Variants in WDPCP observed in about 807,000 individuals in gnomAD.
WDPCP encodes the protein WD repeat containing planar cell polarity effector, also known as WD repeat-containing and planar cell polarity effector protein fritz homolog.
A neutral mutation model predicts 93.1 loss-of-function variants in WDPCP; 71 were observed. The observed-to-expected ratio is 0.76, with a 90% CI of 0.63 to 0.93. The LOEUF is 0.93. Ranked by LOEUF, WDPCP falls within the 40% of genes least tolerant of loss-of-function variation. The probability of loss-of-function intolerance (pLI) is 0.00; values close to 1 mark genes in which losing one functional copy is unlikely to be tolerated. For missense variants in WDPCP, 844 were observed against 887.4 expected, an observed-to-expected ratio of 0.95 and a Z score of 0.62; for synonymous variants, 315 against 315.0, an observed-to-expected ratio of 1.00 and a Z score of 0.00.
chr2:63,501,722 T>G (rs1701567232), intron 1 of WDPCP, among the ~76,000 whole-genome samples: 1 of 146,802 alleles, frequency 6.8e-6, no homozygotes. Flanking sequence ...ATTCAGGCAA[T>G]TCTCCTGCCT....
At chr2:63,396,995 A>C (rs1575324915) in intron 10 of WDPCP, among the ~76,000 whole-genome samples, 1 of 152,182 alleles carries the variant, frequency 6.6e-6, no homozygotes, top group African/African-American at 2.4e-5. Context: ...GACATGAAGT[A>C]TTTCAAGCTG....
intron 2 of WDPCP, among the ~76,000 whole-genome samples, chr2:63,719,774 T>C (rs1030088746): frequency 1.3e-5 from 2 of 152,108 alleles, no homozygotes; most frequent in East Asian, 1.9e-4. Flanking sequence ...TTTATAAAAG[T>C]TTATGTTATA....
At chr2:63,738,341 C>T (rs949954115) in intron 2 of WDPCP, among the ~76,000 whole-genome samples, 1 of 151,970 alleles carries the variant, frequency 6.6e-6, no homozygotes, top group Non-Finnish European at 1.5e-5. Context: ...GGCCTCACAA[C>T]AGAATGTTCA....
At chr2:63,677,375 T>A (rs767144317) in intron 2 of WDPCP, among the ~76,000 whole-genome samples, 42 of 151,814 alleles carry the variant, frequency 2.8e-4, no homozygotes, top group Non-Finnish European at 5.6e-4. Flanking sequence ...TAGACACAGA[T>A]CCACAGAAGA....
intron 2 of WDPCP, among the ~76,000 whole-genome samples, chr2:63,655,737 G>T (rs1223146973): frequency 6.6e-6 from 1 of 152,116 alleles, no homozygotes; most frequent in Non-Finnish European, 1.5e-5. Flanking sequence ...TACACAAAAG[G>T]TGTAATACTA....
chr2:63,568,435 T>C (rs1034513122), intron 1 of WDPCP, among the ~76,000 whole-genome samples: 2 of 152,064 alleles, frequency 1.3e-5, no homozygotes, highest in Non-Finnish European at 2.9e-5. Context: ...TTTATAAAAG[T>C]GCACATAGTA....
intron 2 of WDPCP, among the ~76,000 whole-genome samples, chr2:63,725,652 C>A (rs1204382061): frequency 3.3e-5 from 5 of 152,286 alleles, no homozygotes; most frequent in Middle Eastern, 3.4e-3. Context: ...AACTAATTTA[C>A]ACTCCCACCA....
chr2:63,609,399 A>G (rs1310159111), intron 3 of WDPCP, among the ~76,000 whole-genome samples: 1 of 151,954 alleles, frequency 6.6e-6, no homozygotes, highest in Admixed American at 6.6e-5. Context: ...ATATACACAC[A>G]CTAATAAAGG....
chr2:63,456,689 T>C (rs992902065), intron 6 of WDPCP, among the ~76,000 whole-genome samples: 2 of 151,552 alleles, frequency 1.3e-5, no homozygotes, highest in Admixed American at 6.6e-5. Flanking sequence ...CAAAATAGAC[T>C]AAAAAAAATT....
chr2:63,259,163 A>T, intron 14 of WDPCP, 144 bp downstream of exon 14: 2 of 717,324 alleles, frequency 2.8e-6, no homozygotes, highest in Non-Finnish European at 4.7e-6. Context: ...GCTGTTTGTC[A>T]AAGCTTAATT....
chr2:63,678,001 T>C (rs1212548604), intron 2 of WDPCP, among the ~76,000 whole-genome samples: 2 of 152,246 alleles, frequency 1.3e-5, no homozygotes, highest in African/African-American at 2.4e-5. Flanking sequence ...ATAATCTTTC[T>C]ATGACAGGAA....
intron 9 of WDPCP, among the ~76,000 whole-genome samples, chr2:63,410,689 A>T (rs1694959246): frequency 6.6e-6 from 1 of 152,200 alleles, no homozygotes; most frequent in Non-Finnish European, 1.5e-5. Flanking sequence ...AAGTAAAGGG[A>T]TGGAAAAAGG....
At chr2:63,306,221 C>G (rs1333392372) in intron 13 of WDPCP, among the ~76,000 whole-genome samples, 1 of 152,178 alleles carries the variant, frequency 6.6e-6, no homozygotes, top group African/African-American at 2.4e-5. Context: ...AGACCAATAA[C>G]AAGTTCTGAA....
At chr2:63,607,783 G>A (rs1177029187) in intron 3 of WDPCP, among the ~76,000 whole-genome samples, 1 of 150,998 alleles carries the variant, frequency 6.6e-6, no homozygotes, top group African/African-American at 2.4e-5. Flanking sequence ...TGAGCAGATG[G>A]CGCCACTGCA....
At chr2:63,366,955 G>A (rs1046554347) in intron 12 of WDPCP, among the ~76,000 whole-genome samples, 9 of 151,894 alleles carry the variant, frequency 5.9e-5, no homozygotes, top group African/African-American at 2.2e-4. Flanking sequence ...TGGTTACATA[G>A]TAGAATGTGA....
chr2:63,691,453 G>A (rs545786199), intron 2 of WDPCP, among the ~76,000 whole-genome samples: 2 of 152,204 alleles, frequency 1.3e-5, no homozygotes, highest in South Asian at 2.1e-4. Flanking sequence ...TGGCCAACAC[G>A]TTGAAACCCC....
chr2:63,184,092 C>T (rs1238647386), intron 14 of WDPCP, among the ~76,000 whole-genome samples: 1 of 152,004 alleles, frequency 6.6e-6, no homozygotes, highest in Non-Finnish European at 1.5e-5. Context: ...CCAATCTATA[C>T]CTTTTAAATT....
In WDPCP at chr2:63,404,252, T is replaced by A; in HGVS notation, c.1231A>T (p.Ile411Phe). ...TCTTCAGCCAACAGTTGGATGTTAA[T>A]AGGGGATAGAGCCATATCAAAAATT... ...LQIFDMALSP[I>F]NIQLLAEDRL... Residue 411 changes from isoleucine (I) to phenylalanine (F), a missense_variant, in exon 10 of 18, where the codon ATT becomes TTT. Coordinates refer to ENST00000272321, the MANE Select transcript of WDPCP (RefSeq NM_015910.7). 6.2e-7 allele frequency: 1 copy of A among 1,613,750 alleles called. No homozygotes were observed. The highest frequency in any genetic ancestry group is 8.5e-7 in the Non-Finnish European group (1 of 1,179,746).
Position 63,437,538 on chromosome 2 carries a change from ACTGT to A in WDPCP, c.512_515del (p.Asp171ValfsTer27), listed in dbSNP as rs766056004. On this transcript the variant is annotated frameshift_variant, in exon 8 of 18. Transcript: ENST00000272321. LOFTEE classifies it high-confidence loss of function. ...GTGCCAAAAATGATAAGATGATAAA[ACTGT>A]CTGTGAGAAGAGCTAAAAAACATAA... 28 of 1,591,544 alleles carry A rather than the reference ACTGT, an allele frequency of 1.8e-5. No individual in the cohort carries two copies. Among genetic ancestry groups the A allele is most frequent in the Middle Eastern group, 1.8e-4 (1 of 5,612 alleles).
Sources: allele counts gnomAD v4.1 joint callset (sites outside exome capture counted in the v4.1 genomes callset), GRCh38; gene constraint gnomAD v4.1.1; transcripts MANE v1.5; gene names NCBI Gene and HGNC (gene_info 2026-07-23, HGNC 2026-07-21).